RPH3A: variants seen among roughly 807,000 people sequenced by gnomAD.
RPH3A encodes rabphilin 3A.
Under a neutral mutation model 102.2 loss-of-function variants are expected in RPH3A, and 48 were observed. The observed-to-expected ratio is 0.47, with a 90% confidence interval of 0.37 to 0.60. The LOEUF (loss-of-function observed/expected upper bound fraction) is 0.60. Ranked by LOEUF, RPH3A falls within the 20% of genes least tolerant of loss-of-function variation. The pLI is 0.00. For synonymous variants in RPH3A, 310 were observed against 324.3 expected (o/e 0.96, Z 0.47); for missense variants, 781 against 910.1 (o/e 0.86, Z 1.83).
rs942528966 is a variant in RPH3A at position 112,898,076 on chromosome 12, G to C, written c.*1296G>C. On this transcript the variant is annotated 3_prime_UTR_variant, in exon 22 of 22. Transcript: ENST00000389385. ...CCAGTCTCTCTGTCTCTCTTTGTCT[G>C]TCTCTCTGTCTCCTGCACTCTCGTT... 1 of 152,216 alleles carries C rather than the reference G, an allele frequency of 6.6e-6. No homozygotes were observed. Among genetic ancestry groups the C allele is most frequent in the Non-Finnish European group, 1.5e-5 (1 of 68,104 alleles). The allele number at this position is 152,216 out of a possible 1,614,324, so 9.4% of individuals were successfully genotyped here. A position where few individuals can be genotyped will look rare whatever the true frequency, so the allele number is the denominator to read the frequency against.
intron 1 of RPH3A, among the ~76,000 whole-genome samples, chr12:112,707,929 T>C (rs1343021554): frequency 6.6e-6 from 1 of 152,214 alleles, no homozygotes; most frequent in Non-Finnish European, 1.5e-5. Context: ...TCCACCTCCA[T>C]GAAGAATTTG....
At chr12:112,686,379 G>A (rs2040263153) in intron 1 of RPH3A, among the ~76,000 whole-genome samples, 1 of 152,142 alleles carries the variant, frequency 6.6e-6, no homozygotes, top group Non-Finnish European at 1.5e-5. Flanking sequence ...GTAGACTGAA[G>A]TCTATTTATT....
At chr12:112,818,073 G>GT (rs935389104) in intron 2 of RPH3A, among the ~76,000 whole-genome samples, 21 of 152,276 alleles carry the variant, frequency 1.4e-4, no homozygotes, top group Non-Finnish European at 2.8e-4. Flanking sequence ...AGCACTCTGG[G>GT]AGGCTGAGGC....
chr12:112,601,071 C>T (rs1209241172), intron 1 of RPH3A, among the ~76,000 whole-genome samples: 1 of 152,186 alleles, frequency 6.6e-6, no homozygotes, highest in Non-Finnish European at 1.5e-5. Context: ...CAATTACCTC[C>T]ACCTGGTCCT....
At chr12:112,769,513 G>C (rs1395359555) in intron 1 of RPH3A, among the ~76,000 whole-genome samples, 2 of 152,238 alleles carry the variant, frequency 1.3e-5, no homozygotes, top group African/African-American at 4.8e-5. Context: ...TAACCTTGTA[G>C]AGATCTAACC....
intron 1 of RPH3A, among the ~76,000 whole-genome samples, chr12:112,698,576 T>C (rs1411922999): frequency 6.6e-6 from 1 of 151,722 alleles, no homozygotes; most frequent in East Asian, 1.9e-4. Flanking sequence ...TATAAAAATG[T>C]AGAACTTCTA....
chr12:112,746,827 G>T (rs1052305474), intron 1 of RPH3A, among the ~76,000 whole-genome samples: 2 of 152,010 alleles, frequency 1.3e-5, no homozygotes, highest in Non-Finnish European at 2.9e-5. Context: ...CTCTGTCTCA[G>T]TCTCTCTCTG....
chr12:112,644,248 A>G (rs2039911087), intron 1 of RPH3A, among the ~76,000 whole-genome samples: 1 of 152,250 alleles, frequency 6.6e-6, no homozygotes, highest in Admixed American at 6.5e-5. Context: ...TCATTAGGAA[A>G]TATATCCATG....
intron 1 of RPH3A, among the ~76,000 whole-genome samples, chr12:112,728,076 T>C (rs139628731): frequency 1.4e-4 from 21 of 152,322 alleles, no homozygotes; most frequent in African/African-American, 4.6e-4. Context: ...GGGGGAAAGC[T>C]TGATGTGGGT....
At chr12:112,766,885 C>T (rs1356757869) in intron 1 of RPH3A, among the ~76,000 whole-genome samples, 1 of 152,142 alleles carries the variant, frequency 6.6e-6, no homozygotes, top group Non-Finnish European at 1.5e-5. Context: ...TATGACTGGA[C>T]CCAGGTGAGT....
chr12:112,894,332 T>C, intron 19 of RPH3A: 5 of 517,354 alleles, frequency 9.7e-6, no homozygotes, highest in Non-Finnish European at 1.7e-5. Context: ...TCTCAGTTTC[T>C]GTTTCTGTAA....
intron 1 of RPH3A, among the ~76,000 whole-genome samples, chr12:112,627,518 CTTTATG>C (rs1194342430): frequency 2.6e-5 from 4 of 151,082 alleles, no homozygotes; most frequent in African/African-American, 7.3e-5. Flanking sequence ...TGTCAATACT[CTTTATG>C]TTTATATTAT....
chr12:112,891,400 A>T (rs1467216274), intron 19 of RPH3A, among the ~76,000 whole-genome samples: 2 of 152,230 alleles, frequency 1.3e-5, no homozygotes, highest in Non-Finnish European at 2.9e-5. Flanking sequence ...GCTCAGAAAA[A>T]AAACATGCCT....
chr12:112,636,936 C>T (rs1392996622), intron 1 of RPH3A, among the ~76,000 whole-genome samples: 2 of 152,174 alleles, frequency 1.3e-5, no homozygotes, highest in Non-Finnish European at 2.9e-5. Context: ...GGGCCCCCAT[C>T]TGCAGGGCAA....
At chr12:112,778,506 T>C (rs1852651513) in intron 1 of RPH3A, among the ~76,000 whole-genome samples, 1 of 152,232 alleles carries the variant, frequency 6.6e-6, no homozygotes, top group South Asian at 2.1e-4. Flanking sequence ...TTTAATTTTT[T>C]TTAGTTGGAA....
At chr12:112,888,980 C>A (rs2043048396) in intron 17 of RPH3A, among the ~76,000 whole-genome samples, 1 of 135,048 alleles carries the variant, frequency 7.4e-6, no homozygotes, top group Admixed American at 7.7e-5. Context: ...TCCTACAACA[C>A]CAGCACCCCT....
At chr12:112,608,279 CT>C (rs1253631927) in intron 1 of RPH3A, among the ~76,000 whole-genome samples, 19 of 152,066 alleles carry the variant, frequency 1.2e-4, no homozygotes, top group Admixed American at 2.6e-4. Flanking sequence ...CCACATCTGG[CT>C]ATTTTTTGTA....
At chr12:112,837,868 C>T (rs1222420603) in intron 4 of RPH3A, 65 of 452,280 alleles carry the variant, frequency 1.4e-4, no homozygotes, top group Non-Finnish European at 2.8e-4. Flanking sequence ...CCCTCCTTCC[C>T]TCCCTCCTTC....
intron 5 of RPH3A, among the ~76,000 whole-genome samples, chr12:112,855,212 C>T (rs969381032): frequency 1.3e-5 from 2 of 152,172 alleles, no homozygotes; most frequent in Non-Finnish European, 2.9e-5. Context: ...AAGTGAGTTC[C>T]CATCTGTGTG....
Sources: allele counts gnomAD v4.1 joint callset (sites outside exome capture counted in the v4.1 genomes callset), GRCh38; gene constraint gnomAD v4.1.1; transcripts MANE v1.5; gene names NCBI Gene and HGNC (gene_info 2026-07-23, HGNC 2026-07-21).